GLUL: variants seen among roughly 807,000 people sequenced by gnomAD.
GLUL encodes glutamine synthetase.
Under a neutral mutation model 36.9 loss-of-function variants are expected in GLUL, and 8 were observed. The observed-to-expected ratio is 0.22, with a 90% CI of 0.13 to 0.39. The LOEUF (loss-of-function observed/expected upper bound fraction) is 0.39, where lower values mean the gene tolerates loss of function less well. Ranked by LOEUF, GLUL falls within the 10% of genes least tolerant of loss-of-function variation. GLUL has a pLI of 1.00. For missense variants in GLUL, 315 were observed against 501.8 expected (o/e 0.63, Z 3.56); for synonymous variants, 182 against 172.8 (o/e 1.05, Z -0.42).
At chr1:182,386,466 C>T in intron 3 of GLUL, 64 bp from the exon 4 acceptor site, 1 of 1,181,118 alleles carries the variant, frequency 8.5e-7, no homozygotes. Flanking sequence ...AATACCGATG[C>T]TGATGGGAGA....
chr1:182,386,942 A>C, intron 3 of GLUL, 189 bp downstream of exon 3: 1 of 653,596 alleles, frequency 1.5e-6, no homozygotes, highest in South Asian at 1.7e-5. Context: ...CCAACAGAGA[A>C]GACCATAGAA....
At chr1:182,390,729 T>A (rs1179645250) in intron 1 of GLUL, 2 of 398,894 alleles carry the variant, frequency 5.0e-6, no homozygotes, top group Admixed American at 8.8e-5. Flanking sequence ...TCCCCGGAGT[T>A]CACAGAGTAG....
rs561786415 is a variant in GLUL, at chr1:182,381,479, A to G, written c.*2926T>C. Among the ~76,000 whole-genome samples the G allele has an allele frequency of 6.6e-6, 1 of 152,328 alleles. No homozygotes were observed. The highest frequency in any genetic ancestry group is 2.4e-5 in the African/African-American group (1 of 41,572). On this transcript the variant is annotated 3_prime_UTR_variant, in exon 7 of 7. Transcript: ENST00000331872. ...ATTCTGTTTAATCTATCACTGATAA[A>G]AGTTATCACATAACCCATTGTCTGC...
chr1:182,391,305 C>G, intron 1 of GLUL: 1 of 398,486 alleles, frequency 2.5e-6, no homozygotes, highest in Non-Finnish European at 4.4e-6. Context: ...CACAGGGGAC[C>G]GCACCGCCAC....
chr1:182,385,994 C>A (rs1650163622), intron 4 of GLUL, 107 bp from the exon 5 acceptor site: 4 of 1,190,062 alleles, frequency 3.4e-6, no homozygotes, highest in Admixed American at 1.7e-5. Flanking sequence ...ACTATCCTTG[C>A]CTTCATCTGC....
At chr1:182,391,050 C>A (rs1650396619) in intron 1 of GLUL, 1 of 397,382 alleles carries the variant, frequency 2.5e-6, no homozygotes, top group Non-Finnish European at 4.4e-6. Context: ...CTGCGCGCTG[C>A]TGCTGCCTCC....
intron 5 of GLUL, 24 bp from the exon 6 acceptor site, chr1:182,385,580 TA>T: frequency 6.2e-7 from 1 of 1,606,602 alleles, no homozygotes; most frequent in Non-Finnish European, 8.5e-7. Context: ...GCTTGGCCAT[TA>T]AAACAAAGCT....
chr1:182,389,414 G>A (rs1432645922), intron 1 of GLUL: 1 of 153,224 alleles, frequency 6.5e-6, no homozygotes, highest in Admixed American at 6.4e-5. Context: ...TATTTTTTTA[G>A]AAGGCTAGCA....
chr1:182,391,497 A>C lies in GLUL; in HGVS notation c.-14+182T>G, dbSNP rs912900. 1.1e-3 allele frequency: 375 copies of C among 351,680 alleles called. 1 individual carries two copies. Among genetic ancestry groups the C allele is most frequent in the Non-Finnish European group, 1.2e-3 (237 of 196,730 alleles). 21.8% of individuals were successfully genotyped at this position (351,680 alleles called of 1,614,324 possible). A position where few individuals can be genotyped will look rare whatever the true frequency, so the allele number is the denominator to read the frequency against. On this transcript the variant is annotated intron_variant, in intron 1 of 6. Coordinates refer to ENST00000331872, the MANE Select transcript of GLUL (RefSeq NM_001033044.4). ...CCAGCCCCGACGGGTCCAAGCCACC[A>C]GCGGCGGAAGCACGCGGGAGGAGCA...
rs753278028 is a variant in GLUL at position 182,378,692 on chromosome 1, G to A, written c.*5713C>T. Among the ~76,000 whole-genome samples, 15 of 152,102 alleles carry A rather than the reference G, an allele frequency of 9.9e-5. No individual in the cohort carries two copies. The highest frequency in any genetic ancestry group is 1.8e-4 in the Non-Finnish European group (12 of 68,040). ...TGTGCTTGTATTGTGTATCTAATGTGTACATATATGCATATTCTCACAAAT... is the reference window on the plus strand; with the variant it reads ...TGTGCTTGTATTGTGTATCTAATGTATACATATATGCATATTCTCACAAAT... On this transcript the variant is annotated 3_prime_UTR_variant, in exon 7 of 7. Coordinates refer to ENST00000331872, the MANE Select transcript of GLUL (RefSeq NM_001033044.4).
chr1:182,380,682 T>C lies in GLUL; in HGVS notation c.*3723A>G, dbSNP rs1323821251. 2.0e-5 allele frequency among the ~76,000 whole-genome samples: 3 copies of C among 152,182 alleles called. No homozygotes were observed. Among genetic ancestry groups the C allele is most frequent in the East Asian group, 3.9e-4 (2 of 5,188 alleles). ...ATACAGTCAAACAACAAAGACCTCA[T>C]AGAGTTAAAGCTCACAAAACTGATA... On this transcript the variant is annotated 3_prime_UTR_variant, in exon 7 of 7. Transcript: ENST00000331872.
rs1052956901 is a variant in GLUL at position 182,388,651 on chromosome 1, C to T, written c.87G>A (p.Met29Ile). The change falls in exon 2 of 7, where the codon ATG (methionine) becomes ATA (isoleucine). Residue 29 changes from methionine (M) to isoleucine (I), a missense_variant. By Grantham distance (10) the Met-to-Ile change is conservative (BLOSUM62 1). Coordinates refer to ENST00000331872, the MANE Select transcript of GLUL (RefSeq NM_001033044.4). The stretch of plus-strand genomic sequence containing the variant: ...CTCCAGTACCATCGATCCAGATATA[C>T]ATGGCCTGGACTTTCTCACCCTGAG... ...SLPQGEKVQA[M>I]YIWIDGTGEG... is the part of the protein sequence containing the mutation. 1 of 1,613,462 alleles carries T rather than the reference C, an allele frequency of 6.2e-7. No individual in the cohort carries two copies. Among genetic ancestry groups the T allele is most frequent in the Admixed American group, 1.7e-5 (1 of 60,018 alleles).
intron 2 of GLUL, among the ~76,000 whole-genome samples, chr1:182,387,804 C>G (rs1650247634): frequency 6.6e-6 from 1 of 152,230 alleles, no homozygotes; most frequent in Admixed American, 6.5e-5. Flanking sequence ...CTTGGTCTCT[C>G]TAGCTGACTG....
In GLUL at chr1:182,384,214, TGAA is replaced by T. The variant is rs1206524055; in HGVS notation, c.*188_*190del. The T allele has an allele frequency of 1.6e-6, 1 of 611,246 alleles. No homozygotes were observed. The highest frequency in any genetic ancestry group is 2.9e-6 in the Non-Finnish European group (1 of 341,484). The allele number at this position is 611,246 out of a possible 1,614,324, so 37.9% of individuals were successfully genotyped here. On this transcript the variant is annotated 3_prime_UTR_variant, in exon 7 of 7. Coordinates refer to ENST00000331872, the MANE Select transcript of GLUL (RefSeq NM_001033044.4). Reference sequence around the variant, plus strand: ...ATAGGGAAAAAAAGGAGGGTAGGTGTGAAGAAATTAATAACTTGACCCCTCTAT... The same window carrying T: ...ATAGGGAAAAAAAGGAGGGTAGGTGTGAAATTAATAACTTGACCCCTCTAT...
chr1:182,385,883 T>A lies in GLUL; in HGVS notation c.480A>T (p.Pro160=). The change falls in exon 5 of 7, where the codon CCA becomes CCT. Residue 160 remains proline (P), a synonymous_variant. Transcript: ENST00000331872. The part of the protein sequence containing the change: ...PSNGFPGPQG[P]YYCGVGADRA... ...TGTCTGCTCCCACACCACAGTAATATGGACCTACAGAAGCATCAGGACAAA... is the reference window on the plus strand; with the variant it reads ...TGTCTGCTCCCACACCACAGTAATAAGGACCTACAGAAGCATCAGGACAAA... The A allele has an allele frequency of 1.9e-6, 3 of 1,613,816 alleles. No homozygotes were observed. Among genetic ancestry groups the A allele is most frequent in the Non-Finnish European group, 2.5e-6 (3 of 1,179,690 alleles).
In GLUL at chr1:182,381,815, C is replaced by G. The variant is rs1649939741; in HGVS notation, c.*2590G>C. ...AACTTCAGTTGGGGGGGTGGAAGCA[C>G]AGATTCAATGGAAATAAGGGTATAC... On this transcript the variant is annotated 3_prime_UTR_variant, in exon 7 of 7. Transcript: ENST00000331872. 2 of 152,132 alleles carry G rather than the reference C, an allele frequency of 1.3e-5. No homozygotes were observed. The highest frequency in any genetic ancestry group is 4.1e-4 in the South Asian group (2 of 4,824). 9.4% of individuals were successfully genotyped at this position (152,132 alleles called of 1,614,324 possible). A position where few individuals can be genotyped will look rare whatever the true frequency, so the allele number is the denominator to read the frequency against.
At chr1:182,391,525 C>G (rs374301561) in intron 1 of GLUL, 154 bp downstream of exon 1, 1 of 304,914 alleles carries the variant, frequency 3.3e-6, no homozygotes, top group Non-Finnish European at 6.0e-6. Flanking sequence ...GAGGAGCACT[C>G]ATGCCGGATC....
At position 182,381,501 on chromosome 1, in the gene GLUL, C is replaced by T. The variant is rs908996678; in HGVS notation, c.*2904G>A. 3.3e-5 allele frequency among the ~76,000 whole-genome samples: 5 copies of T among 152,146 alleles called. No individual in the cohort carries two copies. Among genetic ancestry groups the T allele is most frequent in the African/African-American group, 1.2e-4 (5 of 41,424 alleles). ...TAAAAGTTATCACATAACCCATTGTCTGCAAATGAACTATAAAAAACACCT... is the reference window on the plus strand; with the variant it reads ...TAAAAGTTATCACATAACCCATTGTTTGCAAATGAACTATAAAAAACACCT... On this transcript the variant is annotated 3_prime_UTR_variant, in exon 7 of 7. Transcript: ENST00000331872.
chr1:182,388,856 C>G (rs912203502), intron 1 of GLUL, 106 bp from the exon 2 acceptor site: 6 of 835,804 alleles, frequency 7.2e-6, no homozygotes, highest in Non-Finnish European at 1.2e-5. Flanking sequence ...GTGTAAGTGC[C>G]AACTCCTTCC....
Sources: gnomAD v4.1 joint callset for allele counts (sites outside exome capture counted in the v4.1 genomes callset) on GRCh38, gnomAD v4.1.1 for gene constraint, MANE v1.5 for transcripts, NCBI Gene and HGNC (gene_info 2026-07-23, HGNC 2026-07-21) for gene names.